The following SGCD variants were observed in gnomAD, a reference collection of about 807,000 sequenced individuals.
The protein encoded by SGCD is sarcoglycan delta.
Under a neutral mutation model 36.6 loss-of-function variants are expected in SGCD, and 18 were observed. The ratio of observed to expected loss-of-function variants is 0.49; its 90% CI spans 0.34 to 0.73. The LOEUF (loss-of-function observed/expected upper bound fraction) is 0.73, where lower values mean the gene tolerates loss of function less well. Among genes scored for constraint, SGCD ranks in the 30% least tolerant of loss-of-function variants. SGCD has a pLI of 0.01. For missense variants in SGCD, 387 were observed against 346.7 expected (o/e 1.12, Z -0.92); for synonymous variants, 133 against 130.6 (o/e 1.02, Z -0.12).
At chr5:156,171,630 A>G (rs1763349122) in intron 3 of SGCD, among the ~76,000 whole-genome samples, 1 of 152,224 alleles carries the variant, frequency 6.6e-6, no homozygotes. Context: ...ATGCTTATGT[A>G]AGATGTTAGC....
chr5:155,796,351 CTG>C, the SGCD span, among the ~76,000 whole-genome samples: 1 of 152,210 alleles, frequency 6.6e-6, no homozygotes, highest in South Asian at 2.1e-4. Context: ...TCTAAATAAT[CTG>C]TGTGTCAAAG....
At chr5:156,570,503 AG>A (rs1759675162) in intron 4 of SGCD, among the ~76,000 whole-genome samples, 1 of 152,222 alleles carries the variant, frequency 6.6e-6, no homozygotes, top group Non-Finnish European at 1.5e-5. Flanking sequence ...CTACATTGAT[AG>A]ATACATACCT....
At chr5:155,952,451 C>G (rs931019863) in intron 1 of SGCD, among the ~76,000 whole-genome samples, 1 of 152,028 alleles carries the variant, frequency 6.6e-6, no homozygotes, top group East Asian at 1.9e-4. Flanking sequence ...GTCATTTCCT[C>G]CTAGCTCTTC....
chr5:155,918,421 G>T (rs1286944726), intron 1 of SGCD, among the ~76,000 whole-genome samples: 1 of 152,144 alleles, frequency 6.6e-6, no homozygotes, highest in African/African-American at 2.4e-5. Context: ...AAATTATCCA[G>T]CCATGGTGCT....
At chr5:156,742,201 A>C (rs1420677379) in intron 7 of SGCD, among the ~76,000 whole-genome samples, 5 of 152,062 alleles carry the variant, frequency 3.3e-5, no homozygotes, top group African/African-American at 4.8e-5. Flanking sequence ...TTGAGGTTTT[A>C]TACACAAAGT....
chr5:156,557,597 A>G (rs1759079486), intron 4 of SGCD, among the ~76,000 whole-genome samples: 1 of 152,172 alleles, frequency 6.6e-6, no homozygotes, highest in Admixed American at 6.6e-5. Context: ...GCAGAATTGA[A>G]TAGAATTGCC....
chr5:155,778,109 A>G, the SGCD span, among the ~76,000 whole-genome samples: 1 of 152,128 alleles, frequency 6.6e-6, no homozygotes, highest in African/African-American at 2.4e-5. Context: ...CATGAAGGGG[A>G]TGTCAAAAGG....
At chr5:156,046,799 G>A (rs1460761188) in intron 1 of SGCD, among the ~76,000 whole-genome samples, 1 of 152,098 alleles carries the variant, frequency 6.6e-6, no homozygotes, top group Non-Finnish European at 1.5e-5. Context: ...AGGTATTCAA[G>A]TGAAGGGAAG....
the SGCD span, among the ~76,000 whole-genome samples, chr5:155,734,099 TATTA>T: frequency 2.7e-5 from 4 of 147,342 alleles, no homozygotes; most frequent in Admixed American, 1.4e-4. Context: ...ATAATAATAT[TATTA>T]ATTATATTAA....
intron 1 of SGCD, among the ~76,000 whole-genome samples, chr5:156,080,427 G>T: frequency 6.6e-6 from 1 of 152,166 alleles, no homozygotes; most frequent in East Asian, 1.9e-4. Context: ...TTTATGCCTT[G>T]AAAACTTGCT....
chr5:156,309,654 G>A (rs1477497991), intron 3 of SGCD, among the ~76,000 whole-genome samples: 5 of 140,370 alleles, frequency 3.6e-5, no homozygotes, highest in Admixed American at 1.5e-4. Flanking sequence ...GGGCTGGAAT[G>A]CAGTGGCGTG....
intron 3 of SGCD, among the ~76,000 whole-genome samples, chr5:156,202,633 G>C (rs1407040092): frequency 2.0e-5 from 3 of 152,086 alleles, no homozygotes; most frequent in Non-Finnish European, 4.4e-5. Context: ...ACAGCTCCCA[G>C]GTTTTGAAGA....
At chr5:156,536,884 G>A (rs1758136668) in intron 4 of SGCD, among the ~76,000 whole-genome samples, 1 of 152,040 alleles carries the variant, frequency 6.6e-6, no homozygotes. Flanking sequence ...TTGGTTGTCT[G>A]GGCCCTCATC....
chr5:155,849,273 C>T, the SGCD span, among the ~76,000 whole-genome samples: 1 of 152,040 alleles, frequency 6.6e-6, no homozygotes, highest in Non-Finnish European at 1.5e-5. Context: ...CAGAACATAA[C>T]CTATAACTAT....
At chr5:156,258,936 A>ATTAAGAGAGTAC (rs1765781126) in intron 3 of SGCD, among the ~76,000 whole-genome samples, 1 of 151,884 alleles carries the variant, frequency 6.6e-6, no homozygotes, top group African/African-American at 2.4e-5. Flanking sequence ...TACTCTCTTA[A>ATTAAGAGAGTAC]TTAAGAGAGT....
chr5:156,595,132 G>T, intron 6 of SGCD, 81 bp downstream of exon 6: 1 of 1,458,646 alleles, frequency 6.9e-7, no homozygotes, highest in Non-Finnish European at 9.1e-7. Flanking sequence ...TTATGAACAG[G>T]ATATGTCCTC....
the SGCD span, among the ~76,000 whole-genome samples, chr5:155,823,849 A>G: frequency 6.6e-6 from 1 of 152,194 alleles, no homozygotes; most frequent in Non-Finnish European, 1.5e-5. Context: ...GCTTTCCTCC[A>G]GGGATTTCAG....
the SGCD span, among the ~76,000 whole-genome samples, chr5:155,799,065 T>C: frequency 6.6e-6 from 1 of 152,228 alleles, no homozygotes; most frequent in Non-Finnish European, 1.5e-5. Context: ...TTGCAGTTTA[T>C]GCCTCATTAT....
chr5:155,752,199 C>T, the SGCD span, among the ~76,000 whole-genome samples: 1 of 152,284 alleles, frequency 6.6e-6, no homozygotes, highest in African/African-American at 2.4e-5. Flanking sequence ...TTGCCTTGTT[C>T]TCCATATGGC....
Sources: gnomAD v4.1 joint callset for allele counts (sites outside exome capture counted in the v4.1 genomes callset) on GRCh38, gnomAD v4.1.1 for gene constraint, MANE v1.5 for transcripts, NCBI Gene and HGNC (gene_info 2026-07-23, HGNC 2026-07-21) for gene names.